Variants in R3HDM1 observed in about 807,000 individuals in gnomAD.
R3HDM1 encodes R3H domain-containing protein 1.
R3HDM1 carries 46 observed loss-of-function variants against 141.1 expected under a neutral mutation model. The ratio of observed to expected loss-of-function variants is 0.33; its 90% CI spans 0.26 to 0.42. R3HDM1 has a LOEUF of 0.42. Ranked by LOEUF, R3HDM1 falls within the 10% of genes least tolerant of loss-of-function variation. R3HDM1 has a pLI of 1.00. For synonymous variants in R3HDM1, 435 were observed against 472.9 expected (o/e 0.92, Z 1.04); for missense variants, 1,184 against 1,368.3 (o/e 0.87, Z 2.12).
intron 21 of R3HDM1, among the ~76,000 whole-genome samples, chr2:135,699,500 C>T (rs529636106): frequency 6.6e-6 from 1 of 151,384 alleles, no homozygotes; most frequent in East Asian, 2.1e-4. Flanking sequence ...GGGCAGTAAA[C>T]GAGGACAAGG....
chr2:135,622,961 A>G (rs1574441405), intron 7 of R3HDM1: 2 of 980,762 alleles, frequency 2.0e-6, no homozygotes, highest in Non-Finnish European at 2.4e-6. Flanking sequence ...TGGGAAATAT[A>G]GAATCACTAA....
At chr2:135,682,628 C>T (rs1004651185) in intron 21 of R3HDM1, among the ~76,000 whole-genome samples, 1 of 152,148 alleles carries the variant, frequency 6.6e-6, no homozygotes, top group African/African-American at 2.4e-5. Flanking sequence ...TAGCTTTGGC[C>T]TGAGGGATAG....
chr2:135,602,537 C>A lies in R3HDM1; in HGVS notation c.-212C>A. 6.9e-7 allele frequency: 1 copy of A among 1,454,584 alleles called. No individual in the cohort carries two copies. Among genetic ancestry groups the A allele is most frequent in the Non-Finnish European group, 9.1e-7 (1 of 1,104,160 alleles). 90.1% of individuals were successfully genotyped at this position (1,454,584 alleles called of 1,614,324 possible). On this transcript the variant is annotated 5_prime_UTR_variant, in exon 2 of 27. Transcript: ENST00000683871. ...TATGATATATTTGATCCAAGACAGT[C>A]CATTCCAGTCCGGGAATCTACAGTG...
At chr2:135,688,254 T>G (rs1051849571) in intron 21 of R3HDM1, among the ~76,000 whole-genome samples, 1 of 152,250 alleles carries the variant, frequency 6.6e-6, no homozygotes, top group African/African-American at 2.4e-5. Flanking sequence ...AGCTCTGCTG[T>G]GTGTTCAAGC....
rs2075438722 is a variant in R3HDM1 at position 135,710,039 on chromosome 2, T to G, written c.2564-20T>G. 3.7e-6 allele frequency: 6 copies of G among 1,609,820 alleles called. No individual in the cohort carries two copies. The highest frequency in any genetic ancestry group is 1.3e-5 in the African/African-American group (1 of 74,854). ...TTGCTAAAATATTCTGACTATAGCA[T>G]CCTAAATTCTGATTTTCAGCTGGAC... On this transcript the variant is annotated intron_variant, in intron 22 of 26. Transcript: ENST00000683871.
intron 1 of R3HDM1, among the ~76,000 whole-genome samples, chr2:135,552,728 T>G (rs1193072402): frequency 6.6e-6 from 1 of 152,234 alleles, no homozygotes; most frequent in Non-Finnish European, 1.5e-5. Context: ...CACTCCAGTT[T>G]AAGTTAGCTT....
At chr2:135,605,119 TG>T in intron 3 of R3HDM1, 103 bp downstream of exon 3, 8 of 987,882 alleles carry the variant, frequency 8.1e-6, no homozygotes, top group Non-Finnish European at 1.2e-5. Context: ...AAGGGTAAGT[TG>T]ACCCTTCGTG....
chr2:135,662,835 T>C (rs552408031), intron 19 of R3HDM1, among the ~76,000 whole-genome samples: 1 of 152,334 alleles, frequency 6.6e-6, no homozygotes, highest in South Asian at 2.1e-4. Flanking sequence ...ATTTTCATAT[T>C]GTTTTTTCTT....
At chr2:135,534,467 G>T (rs540824331) in intron 1 of R3HDM1, among the ~76,000 whole-genome samples, 1 of 152,328 alleles carries the variant, frequency 6.6e-6, no homozygotes, top group South Asian at 2.1e-4. Context: ...TGTGAGAGGT[G>T]CTATTCCTTT....
In R3HDM1 at chr2:135,636,262, A is replaced by G. The variant is rs539225448; in HGVS notation, c.903+79A>G. ...TAGGGTCTCAGTCTCCCTTTTATCT[A>G]TTGATCACATTTATTTTTAATCACA... On this transcript the variant is annotated intron_variant, in intron 11 of 26. Coordinates refer to ENST00000683871, the MANE Select transcript of R3HDM1 (RefSeq NM_001378107.1). 71 of 1,490,114 alleles carry G rather than the reference A, an allele frequency of 4.8e-5. No individual in the cohort carries two copies. In the African/African-American group the frequency reaches 7.6e-4, roughly 16 times the overall value. The allele number at this position is 1,490,114 out of a possible 1,614,324, so 92.3% of individuals were successfully genotyped here.
intron 20 of R3HDM1, among the ~76,000 whole-genome samples, chr2:135,676,591 A>G (rs1008654551): frequency 6.6e-6 from 1 of 152,198 alleles, no homozygotes; most frequent in African/African-American, 2.4e-5. Context: ...TGGGTGGATC[A>G]CTTGAGGTCA....
At chr2:135,634,007 G>A (rs2062994893) in intron 9 of R3HDM1, among the ~76,000 whole-genome samples, 1 of 152,114 alleles carries the variant, frequency 6.6e-6, no homozygotes, top group South Asian at 2.1e-4. Flanking sequence ...CAGTTACAAA[G>A]ATAGATGACA....
chr2:135,632,159 C>G (rs2062773995), intron 9 of R3HDM1, among the ~76,000 whole-genome samples, 158 bp downstream of exon 9: 1 of 151,880 alleles, frequency 6.6e-6, no homozygotes, highest in Non-Finnish European at 1.5e-5. Flanking sequence ...ATTTAGTTTA[C>G]TGGGAACAAA....
Position 135,661,334 on chromosome 2 carries a change from C to G in R3HDM1, c.2093C>G (p.Pro698Arg), listed in dbSNP as rs2066681896. Residue 698 changes from proline to arginine, a missense_variant, in exon 19 of 27, where the codon CCT becomes CGT. This residue lies in a region of R3HDM1 where 563 missense variants were observed against 562.0 expected (regional missense o/e 1.00). Coordinates refer to ENST00000683871, the MANE Select transcript of R3HDM1 (RefSeq NM_001378107.1). ...AGCCAACCTCAGTATCGCCCAGTCCCTTCTGTTCATTACAATTCACATCTA... is the reference window on the plus strand; with the variant it reads ...AGCCAACCTCAGTATCGCCCAGTCCGTTCTGTTCATTACAATTCACATCTA... ...HSSQPQYRPV[P>R]SVHYNSHLNQ... 1.9e-6 allele frequency: 3 copies of G among 1,613,780 alleles called. No homozygotes were observed. The highest frequency in any genetic ancestry group is 2.5e-6 in the Non-Finnish European group (3 of 1,179,778).
chr2:135,684,795 C>G (rs1357524430), intron 21 of R3HDM1, among the ~76,000 whole-genome samples: 1 of 151,876 alleles, frequency 6.6e-6, no homozygotes, highest in Non-Finnish European at 1.5e-5. Context: ...AGGTGTCTCA[C>G]TCTGTTACCC....
At chr2:135,706,676 G>C (rs2074969551) in intron 21 of R3HDM1, among the ~76,000 whole-genome samples, 1 of 152,130 alleles carries the variant, frequency 6.6e-6, no homozygotes, top group South Asian at 2.1e-4. Context: ...ACATGTTTCA[G>C]AGAGCACAGG....
intron 19 of R3HDM1, among the ~76,000 whole-genome samples, chr2:135,674,457 A>G (rs988843483): frequency 6.6e-6 from 1 of 152,132 alleles, no homozygotes; most frequent in African/African-American, 2.4e-5. Flanking sequence ...AAAATAAAAA[A>G]CTTTGTGGGT....
chr2:135,531,521 G>T lies in R3HDM1; in HGVS notation c.-362G>T. 1.0e-6 allele frequency: 1 copy of T among 985,660 alleles called. No individual in the cohort carries two copies. Among genetic ancestry groups the T allele is most frequent in the Non-Finnish European group, 1.2e-6 (1 of 829,930 alleles). The allele number at this position is 985,660 out of a possible 1,614,324, so 61.1% of individuals were successfully genotyped here. On this transcript the variant is annotated 5_prime_UTR_variant, in exon 1 of 27. Transcript: ENST00000683871. ...GCGGCTGCCGCTGGAGCCGGTGTCC[G>T]GGCTGGTGATGGGGTTAATTCCCTT...
chr2:135,636,167 G>A lies in R3HDM1; in HGVS notation c.887G>A (p.Arg296Gln), dbSNP rs1156484828. The part of the protein sequence containing the change: ...REEEYQRARD[R>Q]IFSQDSLCSQ... ...GAAGAGTACCAGAGAGCCAGAGACCGAATATTTTCCCAAGATGTACGTACT... is the reference window on the plus strand; with the variant it reads ...GAAGAGTACCAGAGAGCCAGAGACCAAATATTTTCCCAAGATGTACGTACT... The change falls in exon 11 of 27, where the codon CGA becomes CAA. Residue 296 changes from arginine to glutamine, a missense_variant. By Grantham distance (43) the Arg-to-Gln change is conservative (BLOSUM62 1). Around this residue, in one of 5 missense-constraint regions of R3HDM1, gnomAD observed 240 missense variants for 312.3 expected, o/e 0.77. Transcript: ENST00000683871. 4 of 1,612,472 alleles carry A rather than the reference G, an allele frequency of 2.5e-6. No homozygotes were observed. Among genetic ancestry groups the A allele is most frequent in the African/African-American group, 1.3e-5 (1 of 74,816 alleles).
Sources: gnomAD v4.1 joint callset for allele counts (sites outside exome capture counted in the v4.1 genomes callset) on GRCh38, gnomAD v4.1.1 for gene constraint, gnomAD v4.1.1 regional missense constraint, MANE v1.5 for transcripts, NCBI Gene and HGNC (gene_info 2026-07-23, HGNC 2026-07-21) for gene names.